CSMD1: variants seen among roughly 807,000 people sequenced by gnomAD.
CSMD1 encodes CUB and sushi domain-containing protein 1.
In CSMD1, 213 loss-of-function variants were observed where a neutral mutation model predicts 417.5. That is an observed-to-expected ratio of 0.51 (90% CI 0.46 to 0.57). The LOEUF (loss-of-function observed/expected upper bound fraction) is 0.57, where lower values mean the gene tolerates loss of function less well. Among genes scored for constraint, CSMD1 ranks in the 20% least tolerant of loss-of-function variants. The pLI is 0.00. For synonymous variants in CSMD1, 2,862 were observed against 1,736.8 expected (o/e 1.65, Z -16.11); for missense variants, 6,923 against 4,529.7 (o/e 1.53, Z -15.17).
At chr8:4,269,273 T>G (rs1166171502) in intron 3 of CSMD1, among the ~76,000 whole-genome samples, 1 of 152,092 alleles carries the variant, frequency 6.6e-6, no homozygotes, top group African/African-American at 2.4e-5. Flanking sequence ...CCCAGGCTGG[T>G]CTTGAACCTC....
chr8:4,119,310 C>T (rs942441946), intron 3 of CSMD1, among the ~76,000 whole-genome samples: 1 of 152,074 alleles, frequency 6.6e-6, no homozygotes, highest in Admixed American at 6.6e-5. Context: ...TGTCAACAGG[C>T]AAATTACTAA....
chr8:4,839,989 G>C (rs1021651029), intron 1 of CSMD1, among the ~76,000 whole-genome samples: 1 of 152,122 alleles, frequency 6.6e-6, no homozygotes, highest in African/African-American at 2.4e-5. Context: ...TAGGAATGTG[G>C]AACTTACAGG....
chr8:3,174,809 T>A, intron 37 of CSMD1, among the ~76,000 whole-genome samples: 1 of 152,170 alleles, frequency 6.6e-6, no homozygotes, highest in African/African-American at 2.4e-5. Context: ...CCATTAAATT[T>A]TTTTTTATTG....
intron 10 of CSMD1, among the ~76,000 whole-genome samples, chr8:3,560,952 C>T (rs565901264): frequency 6.6e-6 from 1 of 152,144 alleles, no homozygotes; most frequent in Non-Finnish European, 1.5e-5. Flanking sequence ...TCCAGATTCA[C>T]AGAGCATCCC....
At chr8:4,062,557 G>A (rs60376681) in intron 3 of CSMD1, among the ~76,000 whole-genome samples, 4,406 of 152,124 alleles carry the variant, frequency 0.029, 76 homozygotes, top group Middle Eastern at 0.051. Context: ...ACAACATTTC[G>A]TGAAACATAT....
At chr8:4,117,741 G>C (rs926373013) in intron 3 of CSMD1, among the ~76,000 whole-genome samples, 1 of 152,130 alleles carries the variant, frequency 6.6e-6, no homozygotes, top group African/African-American at 2.4e-5. Context: ...AGTAAGTTTA[G>C]ATGTCAAATA....
intron 5 of CSMD1, among the ~76,000 whole-genome samples, chr8:3,849,118 C>T (rs796198613): frequency 6.6e-6 from 1 of 151,960 alleles, no homozygotes; most frequent in African/African-American, 2.4e-5. Flanking sequence ...GAAAGTTACA[C>T]TGAAAGACAA....
intron 3 of CSMD1, among the ~76,000 whole-genome samples, chr8:4,296,686 G>A (rs1371723002): frequency 4.0e-5 from 5 of 126,502 alleles, no homozygotes; most frequent in East Asian, 5.0e-4. Flanking sequence ...CTGAAAACAC[G>A]AAAATAAGGG....
At chr8:4,432,081 T>TTAG (rs1357647611) in intron 2 of CSMD1, among the ~76,000 whole-genome samples, 1 of 152,152 alleles carries the variant, frequency 6.6e-6, no homozygotes, top group African/African-American at 2.4e-5. Context: ...AGGATTAGAA[T>TTAG]ACAGAAATAT....
At chr8:4,920,524 G>C (rs1303170965) in intron 1 of CSMD1, among the ~76,000 whole-genome samples, 1 of 152,128 alleles carries the variant, frequency 6.6e-6, no homozygotes, top group East Asian at 1.9e-4. Flanking sequence ...CCTGTCCTCA[G>C]AAATTACAAT....
At chr8:4,118,492 A>AC (rs397698427) in intron 3 of CSMD1, among the ~76,000 whole-genome samples, 5 of 151,602 alleles carry the variant, frequency 3.3e-5, no homozygotes, top group Non-Finnish European at 5.9e-5. Flanking sequence ...TATAGAAAAA[A>AC]GCTCATCATC....
At chr8:3,483,661 G>T (rs1419076805) in intron 11 of CSMD1, among the ~76,000 whole-genome samples, 1 of 152,000 alleles carries the variant, frequency 6.6e-6, no homozygotes, top group Non-Finnish European at 1.5e-5. Context: ...TGATACCAAA[G>T]TCAGACAAAG....
intron 10 of CSMD1, among the ~76,000 whole-genome samples, chr8:3,524,934 A>T (rs986844530): frequency 2.9e-4 from 44 of 152,146 alleles, no homozygotes; most frequent in African/African-American, 1.1e-3. Context: ...GAAATGTAAA[A>T]AAAAAATGTT....
chr8:3,569,781 T>C (rs1227280202), intron 10 of CSMD1, among the ~76,000 whole-genome samples: 2 of 152,208 alleles, frequency 1.3e-5, no homozygotes, highest in Non-Finnish European at 2.9e-5. Context: ...TTAATTTGGA[T>C]GGTAATTCTG....
At chr8:4,338,357 C>T (rs1381699050) in intron 3 of CSMD1, among the ~76,000 whole-genome samples, 1 of 152,036 alleles carries the variant, frequency 6.6e-6, no homozygotes, top group Non-Finnish European at 1.5e-5. Flanking sequence ...CTTAAGGAAA[C>T]ATACAAAAAT....
At chr8:3,628,528 T>C (rs905521058) in intron 7 of CSMD1, among the ~76,000 whole-genome samples, 2 of 152,176 alleles carry the variant, frequency 1.3e-5, no homozygotes, top group Non-Finnish European at 2.9e-5. Context: ...ATGAAGCCCT[T>C]AGTGATGAAA....
At chr8:3,688,107 T>G (rs1000355113) in intron 7 of CSMD1, among the ~76,000 whole-genome samples, 3 of 152,254 alleles carry the variant, frequency 2.0e-5, no homozygotes, top group Non-Finnish European at 4.4e-5. Flanking sequence ...GACCACTTAG[T>G]GTGCTTATCT....
chr8:2,970,257 C>T (rs1222987513), intron 57 of CSMD1, among the ~76,000 whole-genome samples: 2 of 152,186 alleles, frequency 1.3e-5, no homozygotes, highest in Non-Finnish European at 2.9e-5. Flanking sequence ...AAACATTGCC[C>T]ACCCTCAACT....
In CSMD1 at chr8:4,916,355, C is replaced by G. The variant is rs538163376; in HGVS notation, c.85+77977G>C. On this transcript the variant is annotated intron_variant, in intron 1 of 69. Coordinates refer to ENST00000635120, the MANE Select transcript of CSMD1 (RefSeq NM_033225.6). ...TGGGCAACTTTTAAATATGGCAAAACCCTTTGAAAAAAGTATTCTGGTTAT... is the reference window on the plus strand; with the variant it reads ...TGGGCAACTTTTAAATATGGCAAAAGCCTTTGAAAAAAGTATTCTGGTTAT... Among the ~76,000 whole-genome samples, 3 of 152,184 alleles carry G rather than the reference C, an allele frequency of 2.0e-5. No homozygotes were observed. In the South Asian group the frequency reaches 6.2e-4, roughly 32 times the overall value.
Sources: gnomAD v4.1 joint callset for allele counts (sites outside exome capture counted in the v4.1 genomes callset) on GRCh38, gnomAD v4.1.1 for gene constraint, MANE v1.5 for transcripts, NCBI Gene and HGNC (gene_info 2026-07-23, HGNC 2026-07-21) for gene names.